Variants in PDE1C observed in about 807,000 individuals in gnomAD.
PDE1C encodes dual specificity calcium/calmodulin-dependent 3',5'-cyclic nucleotide phosphodiesterase 1C.
PDE1C carries 62 observed loss-of-function variants against 93.1 expected under a neutral mutation model. That is an observed-to-expected ratio of 0.67 (90% confidence interval 0.54 to 0.82). The LOEUF (loss-of-function observed/expected upper bound fraction) is 0.82, where lower values mean the gene tolerates loss of function less well. PDE1C is among the 40% of genes least tolerant of loss of function. The pLI, the probability that PDE1C is intolerant of heterozygous loss-of-function variation, is 0.00. For synonymous variants in PDE1C, 325 were observed against 310.1 expected (o/e 1.05, Z -0.50); for missense variants, 742 against 884.6 (o/e 0.84, Z 2.04).
At chr7:31,836,660 A>G (rs942724423) in intron 11 of PDE1C, among the ~76,000 whole-genome samples, 2 of 152,124 alleles carry the variant, frequency 1.3e-5, no homozygotes, top group African/African-American at 4.8e-5. Context: ...TAGACAACAC[A>G]ACTCTGGAAC....
rs563279540 is a variant in PDE1C, at chr7:31,952,467, C to T, written c.129-71607G>A. Among the ~76,000 whole-genome samples the T allele has an allele frequency of 2.4e-3, 371 of 152,266 alleles. 2 individuals carry two copies. The highest frequency in any genetic ancestry group is 8.6e-3 in the African/African-American group (356 of 41,554). ...ATTTCACCATGTTGCCCAGGCTGGT[C>T]TCGAACTCCTGGCCTCAAGCAATTC... On this transcript the variant is annotated intron_variant, in intron 2 of 17. Transcript: ENST00000396191.
chr7:32,282,201 G>A (rs899514970), intron 1 of PDE1C, among the ~76,000 whole-genome samples: 1 of 151,942 alleles, frequency 6.6e-6, no homozygotes, highest in African/African-American at 2.4e-5. Flanking sequence ...GGTCGGCCGG[G>A]TGTGGTGGCT....
chr7:31,952,481 C>G lies in PDE1C; in HGVS notation c.129-71621G>C, dbSNP rs143412626. On this transcript the variant is annotated intron_variant, in intron 2 of 17. Transcript: ENST00000396191. ...CCCAGGCTGGTCTCGAACTCCTGGC[C>G]TCAAGCAATTCACCAGCCTCGGCCT... Among the ~76,000 whole-genome samples, 470 of 152,234 alleles carry G rather than the reference C, an allele frequency of 3.1e-3. 4 individuals carry two copies. Among genetic ancestry groups the G allele is most frequent in the African/African-American group, 0.011 (437 of 41,536 alleles).
the PDE1C span, among the ~76,000 whole-genome samples, chr7:31,705,950 A>G: frequency 2.0e-5 from 3 of 147,676 alleles, no homozygotes; most frequent in African/African-American, 7.5e-5. Flanking sequence ...CAGTCCAGAA[A>G]ATTGTGCTCA....
At chr7:32,306,707 C>T (rs191653242) in intron 1 of PDE1C, among the ~76,000 whole-genome samples, 1 of 152,194 alleles carries the variant, frequency 6.6e-6, no homozygotes. Context: ...AAAGTAAAAA[C>T]CCCTTACCTT....
chr7:31,978,182 CGGCA>C (rs1811915257), intron 2 of PDE1C, among the ~76,000 whole-genome samples: 3 of 152,136 alleles, frequency 2.0e-5, no homozygotes, highest in South Asian at 4.1e-4. Flanking sequence ...ACATAGATTT[CGGCA>C]GACTACAGGG....
chr7:31,774,023 T>TGG (rs1385618613), intron 17 of PDE1C, among the ~76,000 whole-genome samples: 5 of 152,172 alleles, frequency 3.3e-5, no homozygotes, highest in African/African-American at 1.2e-4. Context: ...GGAGTCCACT[T>TGG]GTTTGACTTG....
chr7:31,734,304 C>T, the PDE1C span, among the ~76,000 whole-genome samples: 1 of 152,086 alleles, frequency 6.6e-6, no homozygotes, highest in African/African-American at 2.4e-5. Flanking sequence ...TCTAGGGCCC[C>T]CCTCTTTCAT....
chr7:31,986,927 C>T (rs867777883), intron 2 of PDE1C, among the ~76,000 whole-genome samples: 7 of 120,856 alleles, frequency 5.8e-5, no homozygotes, highest in Middle Eastern at 4.5e-3. Context: ...TCATTGAACA[C>T]GAACACACAC....
intron 16 of PDE1C, among the ~76,000 whole-genome samples, chr7:31,793,956 CAGA>C (rs1393030586): frequency 3.3e-5 from 5 of 149,802 alleles, no homozygotes; most frequent in South Asian, 2.1e-4. Context: ...AAAAATAAAA[CAGA>C]AGGACAGATA....
chr7:32,267,270 A>G (rs13242981), intron 1 of PDE1C, among the ~76,000 whole-genome samples: 86,276 of 151,770 alleles, frequency 0.57, 25,889 homozygotes, highest in Admixed American at 0.68. Context: ...AAGGGCAGAG[A>G]GGAAGCACGT....
chr7:31,813,291 C>T (rs571863294), intron 15 of PDE1C, among the ~76,000 whole-genome samples: 3 of 152,190 alleles, frequency 2.0e-5, no homozygotes, highest in Non-Finnish European at 1.5e-5. Flanking sequence ...TCCCAGACTG[C>T]TTTGAGATAT....
intron 1 of PDE1C, among the ~76,000 whole-genome samples, chr7:32,417,133 G>A (rs916355688): frequency 6.6e-6 from 1 of 152,122 alleles, no homozygotes; most frequent in Non-Finnish European, 1.5e-5. Flanking sequence ...CATTTACCAC[G>A]AGCTGAGCGG....
At chr7:32,105,017 G>C (rs1249202324) in intron 3 of PDE1C, among the ~76,000 whole-genome samples, 1 of 143,964 alleles carries the variant, frequency 6.9e-6, no homozygotes, top group Non-Finnish European at 1.5e-5. Flanking sequence ...TATGAATTGT[G>C]GTTAAAAACT....
chr7:31,729,136 C>T, the PDE1C span, among the ~76,000 whole-genome samples: 1 of 152,166 alleles, frequency 6.6e-6, no homozygotes, highest in Non-Finnish European at 1.5e-5. Flanking sequence ...AATGTAAAAA[C>T]AAATGCGTAA....
chr7:31,848,950 A>G (rs187309756), intron 8 of PDE1C, among the ~76,000 whole-genome samples: 58 of 152,302 alleles, frequency 3.8e-4, no homozygotes, highest in Admixed American at 2.1e-3. Context: ...CAAAGGATTA[A>G]GGGCCTGGTC....
chr7:31,932,518 CCA>C (rs1219618124), intron 2 of PDE1C, among the ~76,000 whole-genome samples: 1 of 152,130 alleles, frequency 6.6e-6, no homozygotes, highest in African/African-American at 2.4e-5. Flanking sequence ...CAATGAGATA[CCA>C]TCTCATACCA....
intron 17 of PDE1C, among the ~76,000 whole-genome samples, chr7:31,771,628 A>C (rs1331903479): frequency 7.7e-6 from 1 of 129,494 alleles, no homozygotes; most frequent in Non-Finnish European, 1.7e-5. Context: ...ATATGTCTAG[A>C]TATTAACCCC....
At chr7:32,372,440 A>G (rs944457363) in intron 1 of PDE1C, among the ~76,000 whole-genome samples, 1 of 152,202 alleles carries the variant, frequency 6.6e-6, no homozygotes, top group Non-Finnish European at 1.5e-5. Flanking sequence ...GGATATCTAC[A>G]TCCAAATGGA....
Sources: allele counts gnomAD v4.1 joint callset (sites outside exome capture counted in the v4.1 genomes callset), GRCh38; gene constraint gnomAD v4.1.1; transcripts MANE v1.5; gene names NCBI Gene and HGNC (gene_info 2026-07-23, HGNC 2026-07-21).